The following TTC7B variants were observed in gnomAD, a reference collection of about 807,000 sequenced individuals.
TTC7B encodes tetratricopeptide repeat protein 7B.
TTC7B carries 28 observed loss-of-function variants against 106.8 expected under a neutral mutation model. That is an observed-to-expected ratio of 0.26 (90% CI 0.19 to 0.36). The LOEUF is 0.36. Among genes scored for constraint, TTC7B ranks in the 10% least tolerant of loss-of-function variants. TTC7B has a pLI of 1.00. For synonymous variants in TTC7B, 405 were observed against 430.6 expected (o/e 0.94, Z 0.74); for missense variants, 862 against 1,076.4 (o/e 0.80, Z 2.79).
chr14:90,729,447 T>G (rs1889241514), intron 5 of TTC7B, among the ~76,000 whole-genome samples: 1 of 152,184 alleles, frequency 6.6e-6, no homozygotes, highest in Non-Finnish European at 1.5e-5. Flanking sequence ...TTGGTCTTCA[T>G]GCACATCTAT....
chr14:90,693,610 G>C (rs539136248), intron 6 of TTC7B, among the ~76,000 whole-genome samples: 2 of 152,216 alleles, frequency 1.3e-5, no homozygotes, highest in Admixed American at 6.5e-5. Context: ...ACACAGGAAA[G>C]GATGCTCAAA....
At chr14:90,658,013 G>A (rs1368431430) in intron 10 of TTC7B, 1 of 405,816 alleles carries the variant, frequency 2.5e-6, no homozygotes, top group Non-Finnish European at 4.6e-6. Context: ...GATGAGTGGA[G>A]GTGTCTGTGT....
At chr14:90,672,435 TC>T (rs536144858) in intron 9 of TTC7B, among the ~76,000 whole-genome samples, 36 of 152,250 alleles carry the variant, frequency 2.4e-4, no homozygotes, top group African/African-American at 8.7e-4. Flanking sequence ...CTTTCCAAGC[TC>T]CTCTCCTCCC....
intron 13 of TTC7B, among the ~76,000 whole-genome samples, chr14:90,647,847 G>C (rs1337235722): frequency 6.6e-6 from 1 of 152,088 alleles, no homozygotes; most frequent in Non-Finnish European, 1.5e-5. Flanking sequence ...TTCTTTAAAA[G>C]GCACCATGGA....
chr14:90,612,229 T>C (rs1892903347), intron 16 of TTC7B, among the ~76,000 whole-genome samples: 1 of 152,194 alleles, frequency 6.6e-6, no homozygotes, highest in African/African-American at 2.4e-5. Flanking sequence ...TTCAATTGTT[T>C]CCATAACTGA....
chr14:90,655,636 A>G (rs1027824004), intron 11 of TTC7B, among the ~76,000 whole-genome samples: 41 of 152,302 alleles, frequency 2.7e-4, no homozygotes, highest in Admixed American at 1.9e-3. Context: ...GCAGATTCCA[A>G]TGAGAAAATG....
rs890185888 is a variant in TTC7B at position 90,577,407 on chromosome 14, G to A, written c.2310+699C>T. 6.6e-6 allele frequency among the ~76,000 whole-genome samples: 1 copy of A among 152,208 alleles called. No homozygotes were observed. The highest frequency in any genetic ancestry group is 1.5e-5 in the Non-Finnish European group (1 of 68,044). On this transcript the variant is annotated intron_variant, in intron 19 of 19. Transcript: ENST00000328459. The surrounding 1 kb of genome is among the most constrained non-coding windows in gnomAD (Gnocchi z 5.0). ...TCCCCACCTAACTGAAACCGACACG[G>A]CCAGGTGGCCGGCTCCAGGGTCTCT...
chr14:90,812,995 G>C (rs912559583), intron 1 of TTC7B, among the ~76,000 whole-genome samples: 1 of 152,118 alleles, frequency 6.6e-6, no homozygotes, highest in Non-Finnish European at 1.5e-5. Context: ...CTTTGGGAAG[G>C]AGGGATTCCT....
At chr14:90,810,940 G>A (rs1021455505) in intron 1 of TTC7B, among the ~76,000 whole-genome samples, 1 of 152,168 alleles carries the variant, frequency 6.6e-6, no homozygotes, top group Non-Finnish European at 1.5e-5. Context: ...CAAAGTAGCC[G>A]AGGGAAGTCG....
chr14:90,792,214 G>C (rs1168827425), intron 1 of TTC7B, among the ~76,000 whole-genome samples: 10 of 152,156 alleles, frequency 6.6e-5, no homozygotes, highest in Admixed American at 6.6e-5. Flanking sequence ...GTGTTTCTCT[G>C]ATCTCCTGAT....
intron 19 of TTC7B, among the ~76,000 whole-genome samples, chr14:90,562,268 A>G (rs1890626942): frequency 1.3e-5 from 2 of 152,132 alleles, no homozygotes; most frequent in Admixed American, 1.3e-4. Context: ...TCGTGAAGGC[A>G]TCTTACCCAA....
intron 16 of TTC7B, among the ~76,000 whole-genome samples, chr14:90,611,526 G>A (rs1364138472): frequency 8.5e-5 from 13 of 152,104 alleles, no homozygotes; most frequent in African/African-American, 1.9e-4. Flanking sequence ...GCTGGTGTAC[G>A]AGCCCTGTCT....
chr14:90,660,974 C>G (rs1886180382), intron 9 of TTC7B, among the ~76,000 whole-genome samples: 1 of 152,202 alleles, frequency 6.6e-6, no homozygotes, highest in Non-Finnish European at 1.5e-5. Flanking sequence ...CGCCATGGGA[C>G]ATCGGCAGGA....
intron 5 of TTC7B, among the ~76,000 whole-genome samples, chr14:90,728,337 CAAAAAAAAAAAAAAAA>C (rs35504744): frequency 2.5e-5 from 1 of 40,036 alleles, no homozygotes; most frequent in Non-Finnish European, 4.2e-5. Context: ...GTCCCCCCCG[CAAAAAAAAAAAAAAAA>C]AAAAAAAAAA....
chr14:90,710,397 T>C (rs1283565533), intron 5 of TTC7B, among the ~76,000 whole-genome samples: 1 of 152,218 alleles, frequency 6.6e-6, no homozygotes, highest in African/African-American at 2.4e-5. Flanking sequence ...CTGGTGAAGA[T>C]TCTGTGAACA....
At chr14:90,676,824 T>G (rs1032002748) in intron 8 of TTC7B, among the ~76,000 whole-genome samples, 164 bp from the exon 9 acceptor site, 1 of 152,146 alleles carries the variant, frequency 6.6e-6, no homozygotes. Context: ...CAAAATCCCC[T>G]GGGCACCGCA....
chr14:90,695,068 A>AT (rs1887670764), intron 6 of TTC7B, among the ~76,000 whole-genome samples: 1 of 83,100 alleles, frequency 1.2e-5, no homozygotes, highest in Non-Finnish European at 2.4e-5. Flanking sequence ...ATTTTATTAT[A>AT]AAATATATTT....
rs375065854 is a variant in TTC7B at position 90,657,327 on chromosome 14, C to T, written c.1237-49G>A. The T allele has an allele frequency of 2.1e-4, 331 of 1,572,786 alleles. No homozygotes were observed. Among genetic ancestry groups the T allele is most frequent in the Non-Finnish European group, 2.8e-4 (321 of 1,151,652 alleles). On this transcript the variant is annotated intron_variant, in intron 10 of 19. Transcript: ENST00000328459. The surrounding 1 kb of genome is among the most constrained non-coding windows in gnomAD (Gnocchi z 4.2). The stretch of plus-strand genomic sequence containing the variant: ...GTGAAACTCAAAGTGTTTGACAGAA[C>T]CGAATACTACAGCCTTCTCAGAGGG...
chr14:90,783,292 C>G (rs900600958), intron 2 of TTC7B, among the ~76,000 whole-genome samples: 2 of 152,232 alleles, frequency 1.3e-5, no homozygotes, highest in African/African-American at 4.8e-5. Context: ...TTAAGACAAG[C>G]TGGACTTAAG....
Sources: gnomAD v4.1 joint callset for allele counts (sites outside exome capture counted in the v4.1 genomes callset) on GRCh38, gnomAD v4.1.1 for gene constraint, Gnocchi (gnomAD v3.1) non-coding constraint, MANE v1.5 for transcripts, NCBI Gene and HGNC (gene_info 2026-07-23, HGNC 2026-07-21) for gene names.